The following ZRANB1 variants were observed in gnomAD, a reference collection of about 807,000 sequenced individuals.
ZRANB1 encodes ubiquitin thioesterase ZRANB1.
In ZRANB1, 16 loss-of-function variants were observed where a neutral mutation model predicts 80.5. The ratio of observed to expected loss-of-function variants is 0.20; its 90% CI spans 0.13 to 0.30. The LOEUF (loss-of-function observed/expected upper bound fraction) is 0.30, where lower values mean the gene tolerates loss of function less well. ZRANB1 is among the 10% of genes least tolerant of loss of function. ZRANB1 has a pLI of 1.00. For synonymous variants in ZRANB1, 291 were observed against 293.1 expected, an observed-to-expected ratio of 0.99 and a Z score of 0.07; for missense variants, 576 against 862.6, an observed-to-expected ratio of 0.67 and a Z score of 4.16.
intron 1 of ZRANB1, among the ~76,000 whole-genome samples, chr10:124,959,799 T>G (rs1951718670): frequency 6.6e-6 from 1 of 152,086 alleles, no homozygotes; most frequent in Non-Finnish European, 1.5e-5. Context: ...GTAATTAAAT[T>G]TGTAGTTTAA....
At chr10:124,924,996 C>A in the ZRANB1 span, among the ~76,000 whole-genome samples, 1 of 152,078 alleles carries the variant, frequency 6.6e-6, no homozygotes, top group South Asian at 2.1e-4. Flanking sequence ...CAACCTCCGC[C>A]TCCCGGGTTC....
chr10:124,975,337 G>A (rs1015453487), intron 5 of ZRANB1, among the ~76,000 whole-genome samples: 2 of 152,126 alleles, frequency 1.3e-5, no homozygotes, highest in Non-Finnish European at 2.9e-5. Flanking sequence ...GGGTCAATTC[G>A]TTGTAGACAT....
chr10:124,984,850 T>G lies in ZRANB1; in HGVS notation c.1985T>G (p.Val662Gly). The G allele has an allele frequency of 6.2e-7, 1 of 1,613,944 alleles. No individual in the cohort carries two copies. Among genetic ancestry groups the G allele is most frequent in the Non-Finnish European group, 8.5e-7 (1 of 1,179,980 alleles). Reference protein sequence around the residue: ...DCCVTEGGVLVAMQKSSRRRN... With the variant: ...DCCVTEGGVLGAMQKSSRRRN... ...TGTGTGACGGAGGGGGGAGTTCTGG[T>G]TGCCATGCAGAAGAGTTCTCGGCGG... The change falls in exon 9 of 9, where the codon GTT becomes GGT. Residue 662 changes from valine to glycine, a missense_variant. By Grantham distance (109) the Val-to-Gly change is moderately radical. Around this residue, in one of 3 missense-constraint regions of ZRANB1, gnomAD observed 152 missense variants for 221.9 expected, o/e 0.69. Transcript: ENST00000359653.
rs988584767 is a variant in ZRANB1 at position 124,942,730 on chromosome 10, G to T, written c.237G>T (p.Ser79=). The change falls in exon 1 of 9, where the codon TCG becomes TCT. Residue 79 remains serine, a synonymous_variant. Coordinates refer to ENST00000359653, the MANE Select transcript of ZRANB1 (RefSeq NM_017580.3). ...GTGCAAGACCAAGGGTGAAATCTTC[G>T]TATAGCATGGAAAATGCAAATAAGT... The part of the protein sequence containing the change: ...DSSARPRVKS[S]YSMENANKWS... The T allele has an allele frequency of 1.9e-6, 3 of 1,614,158 alleles. No individual in the cohort carries two copies. Among genetic ancestry groups the T allele is most frequent in the East Asian group, 2.2e-5 (1 of 44,886 alleles).
intron 1 of ZRANB1, among the ~76,000 whole-genome samples, chr10:124,944,197 GTAGAT>G (rs1344217469): frequency 6.6e-6 from 1 of 151,836 alleles, no homozygotes; most frequent in East Asian, 1.9e-4. Context: ...TTTTTTTTGA[GTAGAT>G]TAGATGTTTG....
intron 1 of ZRANB1, among the ~76,000 whole-genome samples, chr10:124,951,213 C>T (rs147499995): frequency 1.5e-3 from 221 of 151,974 alleles, no homozygotes; most frequent in African/African-American, 4.5e-3. Flanking sequence ...GAAACAAAAC[C>T]GTTGCAAAAT....
the ZRANB1 span, among the ~76,000 whole-genome samples, chr10:124,925,443 A>G: frequency 3.3e-5 from 5 of 151,570 alleles, no homozygotes; most frequent in African/African-American, 1.2e-4. Flanking sequence ...CATTTGGGTT[A>G]TTTGTCTTTT....
At chr10:124,981,624 T>C (rs867808643) in intron 5 of ZRANB1, 85 bp from the exon 6 acceptor site, 6 of 1,238,356 alleles carry the variant, frequency 4.8e-6, no homozygotes, top group Middle Eastern at 5.5e-4. Context: ...GCTTAAAGAC[T>C]GCATTAAATA....
the ZRANB1 span, among the ~76,000 whole-genome samples, chr10:124,924,910 GT>G: frequency 8.1e-4 from 114 of 141,144 alleles, no homozygotes; most frequent in Non-Finnish European, 9.0e-4. Context: ...TCATTTTGCT[GT>G]TTTTTTTTTT....
intron 5 of ZRANB1, among the ~76,000 whole-genome samples, chr10:124,980,254 C>G (rs1476137765): frequency 6.6e-6 from 1 of 152,110 alleles, no homozygotes; most frequent in Non-Finnish European, 1.5e-5. Context: ...CTTGTCTGTT[C>G]TTATGGAGAC....
intron 1 of ZRANB1, among the ~76,000 whole-genome samples, chr10:124,960,595 A>T (rs945273996): frequency 6.6e-6 from 1 of 152,116 alleles, no homozygotes; most frequent in Non-Finnish European, 1.5e-5. Context: ...ATTTTAAAAA[A>T]TTTTTGTAAA....
At chr10:124,981,945 G>A (rs902390240) in intron 6 of ZRANB1, 116 bp downstream of exon 6, 26 of 1,306,166 alleles carry the variant, frequency 2.0e-5, no homozygotes, top group African/African-American at 1.3e-4. Context: ...AATGCTTGAC[G>A]TGGTATCATC....
the ZRANB1 span, among the ~76,000 whole-genome samples, chr10:124,921,613 A>G: frequency 4.6e-5 from 7 of 152,146 alleles, no homozygotes; most frequent in South Asian, 2.1e-4. Context: ...AGTTCAATAA[A>G]ATATTTTTCC....
chr10:124,970,844 T>G (rs922908364), intron 2 of ZRANB1, among the ~76,000 whole-genome samples: 7 of 143,734 alleles, frequency 4.9e-5, no homozygotes. Context: ...TTTTTTTTTT[T>G]TTTTTTTTTT....
intron 1 of ZRANB1, among the ~76,000 whole-genome samples, chr10:124,953,852 T>C (rs959052523): frequency 6.6e-6 from 1 of 152,234 alleles, no homozygotes; most frequent in Non-Finnish European, 1.5e-5. Context: ...TTCACAGTTA[T>C]GGCTACTTTT....
chr10:124,966,670 A>G lies in ZRANB1; in HGVS notation c.891A>G (p.Ala297=). The part of the protein sequence containing the change: ...SGGDIARQLT[A]DEVRLLNRPS... The stretch of plus-strand genomic sequence containing the variant: ...GAGACATTGCACGTCAGCTCACCGC[A>G]GATGAAGTACGCTTGCTGAATCGTC... Residue 297 remains alanine (A), a synonymous_variant, in exon 2 of 9, where the codon GCA becomes GCG. Transcript: ENST00000359653. 6.2e-7 allele frequency: 1 copy of G among 1,614,192 alleles called. No individual in the cohort carries two copies. Among genetic ancestry groups the G allele is most frequent in the Non-Finnish European group, 8.5e-7 (1 of 1,180,030 alleles).
chr10:124,987,377 T>TAA lies in ZRANB1; in HGVS notation c.*2387_*2388dup, dbSNP rs1952079527. 6.6e-6 allele frequency: 1 copy of TAA among 151,710 alleles called. No homozygotes were observed. The highest frequency in any genetic ancestry group is 1.5e-5 in the Non-Finnish European group (1 of 67,958). 9.4% of individuals were successfully genotyped at this position (151,710 alleles called of 1,614,324 possible). A position where few individuals can be genotyped will look rare whatever the true frequency, so the allele number is the denominator to read the frequency against. On this transcript the variant is annotated 3_prime_UTR_variant, in exon 9 of 9. Coordinates refer to ENST00000359653, the MANE Select transcript of ZRANB1 (RefSeq NM_017580.3). ...GGGGTCAAATTTATATATATATATA[T>TAA]AAATTTTTGTTTGGGCGACCAAGAT...
intron 4 of ZRANB1, 68 bp downstream of exon 4, chr10:124,973,784 T>C: frequency 1.5e-6 from 2 of 1,312,504 alleles, no homozygotes; most frequent in Non-Finnish European, 2.1e-6. Flanking sequence ...TAGTAAGGCA[T>C]GGTGTAGTTT....
chr10:124,953,424 T>C (rs1471098461), intron 1 of ZRANB1, among the ~76,000 whole-genome samples: 1 of 152,214 alleles, frequency 6.6e-6, no homozygotes, highest in Non-Finnish European at 1.5e-5. Context: ...GGGTTATTAC[T>C]GGAGCTTTTG....
Sources: allele counts gnomAD v4.1 joint callset (sites outside exome capture counted in the v4.1 genomes callset), GRCh38; gene constraint gnomAD v4.1.1; regional missense constraint gnomAD v4.1.1; transcripts MANE v1.5; gene names NCBI Gene and HGNC (gene_info 2026-07-23, HGNC 2026-07-21).